Variants in TRPS1 observed in about 807,000 individuals in gnomAD.
TRPS1 encodes the protein zinc finger transcription factor Trps1.
In TRPS1, 6 loss-of-function variants were observed where a neutral mutation model predicts 101.2. The observed-to-expected ratio is 0.06, with a 90% CI of 0.03 to 0.12. The LOEUF (loss-of-function observed/expected upper bound fraction) is 0.12, where lower values mean the gene tolerates loss of function less well. TRPS1 is among the 10% of genes least tolerant of loss of function. TRPS1 has a pLI of 1.00. For missense variants in TRPS1, 1,363 were observed against 1,567.0 expected (o/e 0.87, Z 2.20); for synonymous variants, 578 against 589.8 (o/e 0.98, Z 0.29).
At chr8:115,668,079 T>A (rs1335920012) in intron 1 of TRPS1, 8 of 626,978 alleles carry the variant, frequency 1.3e-5, no homozygotes, top group Non-Finnish European at 2.2e-5. Flanking sequence ...CTGAAACTTC[T>A]TTTTTTGGCA....
chr8:115,503,721 C>T (rs1000668452), intron 5 of TRPS1, among the ~76,000 whole-genome samples: 16 of 152,130 alleles, frequency 1.1e-4, no homozygotes, highest in African/African-American at 3.9e-4. Context: ...CATGTATTAA[C>T]AAAGATGCAA....
At chr8:115,551,128 C>A (rs915996200) in intron 5 of TRPS1, among the ~76,000 whole-genome samples, 1 of 152,146 alleles carries the variant, frequency 6.6e-6, no homozygotes, top group Non-Finnish European at 1.5e-5. Flanking sequence ...GCCACTTCAC[C>A]ACTATAAAGC....
intron 5 of TRPS1, among the ~76,000 whole-genome samples, chr8:115,555,497 TTTCTTTGGCAAGTAC>T: frequency 6.6e-6 from 1 of 152,266 alleles, no homozygotes; most frequent in Non-Finnish European, 1.5e-5. Flanking sequence ...AGAAAACAGA[TTTCTTTGGCAAGTAC>T]TTCTTTTTTT....
chr8:115,468,619 T>C (rs1814385350), intron 5 of TRPS1, among the ~76,000 whole-genome samples: 1 of 152,202 alleles, frequency 6.6e-6, no homozygotes, highest in Non-Finnish European at 1.5e-5. Flanking sequence ...AAAAGTTTTA[T>C]ACTCCTCAAT....
chr8:115,518,633 C>T (rs1273249809), intron 5 of TRPS1, among the ~76,000 whole-genome samples: 4 of 151,718 alleles, frequency 2.6e-5, no homozygotes, highest in Non-Finnish European at 5.9e-5. Context: ...CTTTCAGTTG[C>T]ACAAAATTGC....
In TRPS1 at chr8:115,432,623, G is replaced by C. The variant is rs372740829; in HGVS notation, c.2701-14171C>G. Reference sequence around the variant, plus strand: ...TTCACATTAAAAACATTTAGGTACAGAAAAGTGTGCCTGCTATATAAAAGT... The same window carrying C: ...TTCACATTAAAAACATTTAGGTACACAAAAGTGTGCCTGCTATATAAAAGT... On this transcript the variant is annotated intron_variant, in intron 5 of 6. Transcript: ENST00000395715. 3.9e-5 allele frequency among the ~76,000 whole-genome samples: 6 copies of C among 151,986 alleles called. No individual in the cohort carries two copies. The East Asian group carries it at 7.7e-4, about 20-fold the overall frequency.
At chr8:115,449,731 C>A (rs952674087) in intron 5 of TRPS1, among the ~76,000 whole-genome samples, 35 of 152,146 alleles carry the variant, frequency 2.3e-4, no homozygotes, top group Non-Finnish European at 3.4e-4. Flanking sequence ...GTTTTCTTAT[C>A]TGCCTGTTTA....
chr8:115,463,097 G>T (rs766044641), intron 5 of TRPS1, among the ~76,000 whole-genome samples: 10 of 152,126 alleles, frequency 6.6e-5, no homozygotes, highest in Non-Finnish European at 1.0e-4. Context: ...TGTGAGAGCT[G>T]AAAAAGTGTT....
At chr8:115,563,893 C>A (rs1817006557) in intron 5 of TRPS1, among the ~76,000 whole-genome samples, 1 of 151,998 alleles carries the variant, frequency 6.6e-6, no homozygotes. Flanking sequence ...GACTCAGGAA[C>A]CAGTGAATCA....
Position 115,623,683 on chromosome 8 carries a change from T to A in TRPS1, c.-46A>T. On this transcript the variant is annotated 5_prime_UTR_variant, in exon 2 of 7. Transcript: ENST00000395715. ...ACAATTATTAATTCTATTAGTCAAC[T>A]AGCAGGAGGCTAATGCAATTGTCTT... 6.2e-7 allele frequency: 1 copy of A among 1,602,544 alleles called. No individual in the cohort carries two copies. Among genetic ancestry groups the A allele is most frequent in the South Asian group, 1.1e-5 (1 of 89,892 alleles).
At chr8:115,520,911 G>A (rs1012919031) in intron 5 of TRPS1, among the ~76,000 whole-genome samples, 1 of 151,652 alleles carries the variant, frequency 6.6e-6, no homozygotes, top group African/African-American at 2.4e-5. Context: ...TTTAACATAT[G>A]TTTACTCTAT....
At chr8:115,473,058 C>A (rs1814511995) in intron 5 of TRPS1, among the ~76,000 whole-genome samples, 1 of 152,190 alleles carries the variant, frequency 6.6e-6, no homozygotes, top group South Asian at 2.1e-4. Flanking sequence ...CTGCCTGTTA[C>A]CCAGTTCCAA....
intron 5 of TRPS1, among the ~76,000 whole-genome samples, chr8:115,468,332 T>G (rs1334575586): frequency 6.6e-6 from 1 of 152,218 alleles, no homozygotes; most frequent in Non-Finnish European, 1.5e-5. Context: ...TCCAGGATTT[T>G]AAGAGGGAGA....
chr8:115,586,412 T>A (rs191753124), intron 5 of TRPS1, among the ~76,000 whole-genome samples: 5 of 152,298 alleles, frequency 3.3e-5, no homozygotes, highest in South Asian at 2.1e-4. Context: ...ATGGCACTCT[T>A]CTTTGGCCGC....
At chr8:115,482,819 T>G (rs1814787408) in intron 5 of TRPS1, among the ~76,000 whole-genome samples, 1 of 152,216 alleles carries the variant, frequency 6.6e-6, no homozygotes, top group Non-Finnish European at 1.5e-5. Context: ...GTGGGCATTT[T>G]AGATAAAAGA....
At chr8:115,621,937 A>C (rs577355444) in intron 2 of TRPS1, among the ~76,000 whole-genome samples, 2 of 151,990 alleles carry the variant, frequency 1.3e-5, no homozygotes, top group Non-Finnish European at 2.9e-5. Flanking sequence ...ACAAAAGCAA[A>C]AACAAAAACA....
At chr8:115,597,288 C>T (rs751444985) in intron 4 of TRPS1, among the ~76,000 whole-genome samples, 7 of 151,880 alleles carry the variant, frequency 4.6e-5, no homozygotes, top group African/African-American at 1.4e-4. Flanking sequence ...GGTGTTTTAT[C>T]GTAAAATCTA....
At chr8:115,461,483 A>G (rs1475845969) in intron 5 of TRPS1, among the ~76,000 whole-genome samples, 2 of 152,176 alleles carry the variant, frequency 1.3e-5, no homozygotes, top group African/African-American at 4.8e-5. Flanking sequence ...CTCTAAAGAC[A>G]CTGAATCCCT....
In TRPS1 at chr8:115,531,788, T is replaced by C. The variant is rs540180530; in HGVS notation, c.2700+55213A>G. Among the ~76,000 whole-genome samples, 7 of 152,060 alleles carry C rather than the reference T, an allele frequency of 4.6e-5. No homozygotes were observed. The South Asian group carries it at 6.2e-4, about 14-fold the overall frequency. On this transcript the variant is annotated intron_variant, in intron 5 of 6. Coordinates refer to ENST00000395715, the MANE Select transcript of TRPS1 (RefSeq NM_014112.5). ...GGGAGGAATAACATGGGCAGTCAAA[T>C]AAAGACCAGTAAAAGGATCGCTGAG...
Sources: gnomAD v4.1 joint callset for allele counts (sites outside exome capture counted in the v4.1 genomes callset) on GRCh38, gnomAD v4.1.1 for gene constraint, MANE v1.5 for transcripts, NCBI Gene and HGNC (gene_info 2026-07-23, HGNC 2026-07-21) for gene names.